Variants in CREB3L2 observed in about 807,000 individuals in gnomAD.
The protein encoded by CREB3L2 is cyclic AMP-responsive element-binding protein 3-like protein 2.
A neutral mutation model predicts 57.2 loss-of-function variants in CREB3L2; 23 were observed. That is an observed-to-expected ratio of 0.40 (90% CI 0.29 to 0.57). CREB3L2 has a LOEUF of 0.57. Among genes scored for constraint, CREB3L2 ranks in the 20% least tolerant of loss-of-function variants. The pLI, the probability that CREB3L2 is intolerant of heterozygous loss-of-function variation, is 0.42. For synonymous variants in CREB3L2, 268 were observed against 265.1 expected (o/e 1.01, Z -0.11); for missense variants, 628 against 634.7 (o/e 0.99, Z 0.11).
At chr7:137,904,134 T>C (rs1799829897) in intron 6 of CREB3L2, 117 bp from the exon 7 acceptor site, 4 of 829,858 alleles carry the variant, frequency 4.8e-6, no homozygotes, top group South Asian at 3.1e-5. Context: ...TGCAAGCTGC[T>C]TGCCATTTGT....
intron 3 of CREB3L2, 149 bp from the exon 4 acceptor site, chr7:137,913,227 G>T: frequency 1.3e-6 from 1 of 744,174 alleles, no homozygotes; most frequent in Non-Finnish European, 2.1e-6. Flanking sequence ...TCCCTGACAG[G>T]GAGTCATTTT....
chr7:137,890,960 A>G (rs1421559282), intron 8 of CREB3L2, among the ~76,000 whole-genome samples: 1 of 152,224 alleles, frequency 6.6e-6, no homozygotes, highest in Non-Finnish European at 1.5e-5. Flanking sequence ...CCTCTTTATT[A>G]TTGTATTTTA....
chr7:137,941,688 C>G (rs534312427), intron 1 of CREB3L2, among the ~76,000 whole-genome samples: 1 of 152,200 alleles, frequency 6.6e-6, no homozygotes, highest in African/African-American at 2.4e-5. Context: ...AAGGCAAGCT[C>G]CAGTATTTTA....
chr7:137,967,702 G>A lies in CREB3L2; in HGVS notation c.102+33902C>T, dbSNP rs543865834. 3.3e-5 allele frequency among the ~76,000 whole-genome samples: 5 copies of A among 152,188 alleles called. No homozygotes were observed. In the East Asian group the frequency reaches 5.8e-4, roughly 18 times the overall value. On this transcript the variant is annotated intron_variant, in intron 1 of 11. Transcript: ENST00000330387. Reference sequence around the variant, plus strand: ...GAGTGTTCCTGTGGCCCCTGCTCCCGATCGCTGGAAACTGACTCACAAGTT... The same window carrying A: ...GAGTGTTCCTGTGGCCCCTGCTCCCAATCGCTGGAAACTGACTCACAAGTT...
chr7:137,915,634 G>A (rs544379475), intron 3 of CREB3L2, among the ~76,000 whole-genome samples: 4 of 152,048 alleles, frequency 2.6e-5, no homozygotes, highest in African/African-American at 9.6e-5. Flanking sequence ...AATTTTTTCC[G>A]AACAATGGCT....
intron 1 of CREB3L2, among the ~76,000 whole-genome samples, chr7:137,979,569 C>CA (rs1396939113): frequency 2.0e-5 from 3 of 151,922 alleles, no homozygotes; most frequent in Admixed American, 2.0e-4. Flanking sequence ...ACTAAAAATA[C>CA]AAAAAAATTA....
intron 1 of CREB3L2, among the ~76,000 whole-genome samples, chr7:137,933,527 A>C (rs1011628141): frequency 9.2e-5 from 14 of 152,180 alleles, no homozygotes; most frequent in African/African-American, 3.4e-4. Flanking sequence ...AACTCCCCCT[A>C]CTTTGGATTA....
chr7:137,876,149 G>C lies in CREB3L2; in HGVS notation c.*4327C>G, dbSNP rs1267100352. On this transcript the variant is annotated 3_prime_UTR_variant, in exon 12 of 12. Coordinates refer to ENST00000330387, the MANE Select transcript of CREB3L2 (RefSeq NM_194071.4). ...TCTCCTGATGTGCAAATCTGATAGT[G>C]GCTCACTTTTAGGAAACCACTTTTG... 3 of 232,606 alleles carry C rather than the reference G, an allele frequency of 1.3e-5. No homozygotes were observed. The East Asian group carries it at 1.8e-4, about 14-fold the overall frequency. 14.4% of individuals were successfully genotyped at this position (232,606 alleles called of 1,614,324 possible). A position where few individuals can be genotyped will look rare whatever the true frequency, so the allele number is the denominator to read the frequency against.
chr7:137,946,778 A>ATAGTT (rs1362254453), intron 1 of CREB3L2, among the ~76,000 whole-genome samples: 1 of 104,290 alleles, frequency 9.6e-6, no homozygotes, highest in African/African-American at 4.4e-5. Flanking sequence ...AGTTATCTAT[A>ATAGTT]TAGTTATCTA....
At chr7:137,961,129 G>A (rs1025297843) in intron 1 of CREB3L2, among the ~76,000 whole-genome samples, 1 of 144,270 alleles carries the variant, frequency 6.9e-6, no homozygotes, top group Non-Finnish European at 1.5e-5. Flanking sequence ...ATTTTAGGAA[G>A]AAGCCTACAT....
chr7:137,946,318 C>T (rs1243719996), intron 1 of CREB3L2, among the ~76,000 whole-genome samples: 1 of 150,908 alleles, frequency 6.6e-6, no homozygotes, highest in Non-Finnish European at 1.5e-5. Context: ...TTATCCTGAG[C>T]GGGTCTGATC....
At chr7:137,901,625 A>T (rs1799760109) in intron 7 of CREB3L2, among the ~76,000 whole-genome samples, 1 of 151,860 alleles carries the variant, frequency 6.6e-6, no homozygotes, top group South Asian at 2.1e-4. Flanking sequence ...TCACGCCTGT[A>T]ATCCCAGCAC....
intron 1 of CREB3L2, among the ~76,000 whole-genome samples, chr7:137,998,054 A>C (rs148900168): frequency 8.5e-5 from 13 of 152,228 alleles, no homozygotes; most frequent in African/African-American, 2.7e-4. Flanking sequence ...TTAAGCTTCA[A>C]GAGGAAGCCC....
intron 2 of CREB3L2, among the ~76,000 whole-genome samples, chr7:137,924,598 G>A (rs778776349): frequency 1.6e-4 from 24 of 152,022 alleles, no homozygotes; most frequent in African/African-American, 2.7e-4. Flanking sequence ...ATGCTTCTGC[G>A]TTTCTCTCTT....
intron 1 of CREB3L2, among the ~76,000 whole-genome samples, chr7:137,994,043 C>T (rs1374918403): frequency 1.3e-5 from 2 of 152,216 alleles, no homozygotes; most frequent in African/African-American, 2.4e-5. Context: ...GAGAAATAGG[C>T]TCAAGGTTGA....
chr7:137,947,247 C>T (rs967441512), intron 1 of CREB3L2, among the ~76,000 whole-genome samples: 1 of 151,734 alleles, frequency 6.6e-6, no homozygotes, highest in Admixed American at 6.6e-5. Flanking sequence ...ACGAGACATA[C>T]ATTTCTGCAC....
intron 8 of CREB3L2, among the ~76,000 whole-genome samples, chr7:137,893,417 G>T (rs943022498): frequency 1.3e-5 from 2 of 152,190 alleles, no homozygotes; most frequent in African/African-American, 4.8e-5. Flanking sequence ...TAAAACCAAG[G>T]TAAAAGTGTA....
chr7:137,969,761 A>AACACACACACACACAC (rs66931280), intron 1 of CREB3L2, among the ~76,000 whole-genome samples: 1,232 of 103,608 alleles, frequency 0.012, 25 homozygotes, highest in African/African-American at 0.031. Flanking sequence ...AGGGTCATCA[A>AACACACACACACACAC]ACACACACAC....
At chr7:137,888,994 C>G (rs1423053859) in intron 8 of CREB3L2, among the ~76,000 whole-genome samples, 2 of 152,236 alleles carry the variant, frequency 1.3e-5, no homozygotes, top group African/African-American at 2.4e-5. Flanking sequence ...ATGACCACTT[C>G]CATTTTTTAC....
Sources: gnomAD v4.1 joint callset for allele counts (sites outside exome capture counted in the v4.1 genomes callset) on GRCh38, gnomAD v4.1.1 for gene constraint, MANE v1.5 for transcripts, NCBI Gene and HGNC (gene_info 2026-07-23, HGNC 2026-07-21) for gene names.